NCAM2: variants seen among roughly 807,000 people sequenced by gnomAD.
The protein encoded by NCAM2 is N-CAM-2.
In NCAM2, 30 loss-of-function variants were observed where a neutral mutation model predicts 98.1. The ratio of observed to expected loss-of-function variants is 0.31; its 90% CI spans 0.23 to 0.41. The LOEUF is 0.41. Among genes scored for constraint, NCAM2 ranks in the 10% least tolerant of loss-of-function variants. The pLI, the probability that NCAM2 is intolerant of heterozygous loss-of-function variation, is 1.00. For synonymous variants in NCAM2, 368 were observed against 342.4 expected (o/e 1.07, Z -0.83); for missense variants, 867 against 1,005.8 (o/e 0.86, Z 1.87).
intron 1 of NCAM2, among the ~76,000 whole-genome samples, chr21:21,000,693 A>T (rs747789543): frequency 6.6e-6 from 1 of 152,130 alleles, no homozygotes; most frequent in Non-Finnish European, 1.5e-5. Flanking sequence ...TGTGGCACTC[A>T]TAGAGACACA....
intron 1 of NCAM2, among the ~76,000 whole-genome samples, chr21:21,071,054 A>G (rs2065552013): frequency 6.6e-6 from 1 of 152,124 alleles, no homozygotes; most frequent in Non-Finnish European, 1.5e-5. Context: ...TTAAAGAGGA[A>G]ATTTGAGCCA....
At chr21:21,190,219 G>A (rs1426628875) in intron 1 of NCAM2, among the ~76,000 whole-genome samples, 5 of 152,252 alleles carry the variant, frequency 3.3e-5, no homozygotes, top group Admixed American at 2.6e-4. Context: ...AAGTGAATAA[G>A]CAATATCTGT....
At chr21:21,338,306 G>T in intron 7 of NCAM2, 83 bp from the exon 8 acceptor site, 2 of 1,277,612 alleles carry the variant, frequency 1.6e-6, no homozygotes, top group East Asian at 2.4e-5. Flanking sequence ...TACTATAGTA[G>T]ACTTAAACAC....
chr21:21,095,755 G>C (rs1461407116), intron 1 of NCAM2, among the ~76,000 whole-genome samples: 1 of 151,496 alleles, frequency 6.6e-6, no homozygotes, highest in Non-Finnish European at 1.5e-5. Flanking sequence ...ACCTATTTTG[G>C]AAAAATTGCA....
chr21:21,349,028 A>G (rs7277503), intron 8 of NCAM2, among the ~76,000 whole-genome samples: 38,816 of 152,052 alleles, frequency 0.26, 5,409 homozygotes, highest in Non-Finnish European at 0.32. Flanking sequence ...TGACCTGGGC[A>G]TAATTTTTTG....
intron 16 of NCAM2, among the ~76,000 whole-genome samples, chr21:21,527,771 T>C (rs1255506525): frequency 6.6e-6 from 1 of 152,318 alleles, no homozygotes; most frequent in African/African-American, 2.4e-5. Context: ...ATACAATCAC[T>C]GTGGAAGACA....
intron 11 of NCAM2, among the ~76,000 whole-genome samples, chr21:21,428,857 A>C (rs1265046424): frequency 6.6e-6 from 1 of 152,190 alleles, no homozygotes; most frequent in Non-Finnish European, 1.5e-5. Context: ...TCATTACTGA[A>C]ATATTTAATT....
intron 1 of NCAM2, among the ~76,000 whole-genome samples, chr21:21,181,468 C>G (rs1480291024): frequency 6.6e-6 from 1 of 152,018 alleles, no homozygotes; most frequent in African/African-American, 2.4e-5. Flanking sequence ...ACCCAATTAC[C>G]AAAACCTTGT....
At chr21:21,498,408 A>G (rs1012983063) in intron 15 of NCAM2, among the ~76,000 whole-genome samples, 2 of 152,192 alleles carry the variant, frequency 1.3e-5, no homozygotes, top group African/African-American at 2.4e-5. Flanking sequence ...CTAGCATTAC[A>G]TACTTTTTCT....
intron 1 of NCAM2, among the ~76,000 whole-genome samples, chr21:21,018,512 T>A (rs2064364525): frequency 6.6e-6 from 1 of 152,236 alleles, no homozygotes; most frequent in Non-Finnish European, 1.5e-5. Context: ...CTGAACAAAT[T>A]TAACATATTT....
Position 21,311,841 on chromosome 21 carries a change from G to A in NCAM2, c.620-12542G>A, listed in dbSNP as rs559493122. Among the ~76,000 whole-genome samples the A allele has an allele frequency of 1.7e-3, 251 of 152,006 alleles. 2 individuals are homozygous for A. Among genetic ancestry groups the A allele is most frequent in the African/African-American group, 5.7e-3 (238 of 41,478 alleles). Reference sequence around the variant, plus strand: ...TAATATGCATATGAGATTTGATTTGGGGTGTTTTTCTTTAATCCTTTGACT... The same window carrying A: ...TAATATGCATATGAGATTTGATTTGAGGTGTTTTTCTTTAATCCTTTGACT... On this transcript the variant is annotated intron_variant, in intron 5 of 17. Transcript: ENST00000400546.
At chr21:21,213,830 A>G (rs571018910) in intron 1 of NCAM2, among the ~76,000 whole-genome samples, 8 of 152,282 alleles carry the variant, frequency 5.3e-5, no homozygotes, top group African/African-American at 1.7e-4. Flanking sequence ...ATAAAATAAA[A>G]CCTGCCTAAT....
intron 16 of NCAM2, among the ~76,000 whole-genome samples, chr21:21,522,073 T>G (rs915184584): frequency 6.8e-6 from 1 of 148,142 alleles, no homozygotes; most frequent in Non-Finnish European, 1.5e-5. Context: ...GTATATATAT[T>G]TTATATATGA....
chr21:21,207,366 T>C (rs59849323), intron 1 of NCAM2, among the ~76,000 whole-genome samples: 146 of 152,246 alleles, frequency 9.6e-4, no homozygotes, highest in African/African-American at 3.2e-3. Flanking sequence ...ATCTGCACAA[T>C]TTTCCTGTGA....
chr21:21,215,652 C>T lies in NCAM2; in HGVS notation c.56-64926C>T, dbSNP rs550720116. ...TTGAGGTAGGAGGTTTGCTTGATCCCGGGAGGCAAAGATTGCAGTGAGCCA... is the reference window on the plus strand; with the variant it reads ...TTGAGGTAGGAGGTTTGCTTGATCCTGGGAGGCAAAGATTGCAGTGAGCCA... On this transcript the variant is annotated intron_variant, in intron 1 of 17. Coordinates refer to ENST00000400546, the MANE Select transcript of NCAM2 (RefSeq NM_004540.5). 5.9e-5 allele frequency among the ~76,000 whole-genome samples: 9 copies of T among 152,124 alleles called. No individual in the cohort carries two copies. The South Asian group carries it at 1.3e-3, about 21-fold the overall frequency.
At chr21:21,385,092 T>C (rs1232555391) in intron 9 of NCAM2, among the ~76,000 whole-genome samples, 1 of 152,062 alleles carries the variant, frequency 6.6e-6, no homozygotes, top group African/African-American at 2.4e-5. Context: ...ATGACACATT[T>C]TTAGTTGTAT....
At chr21:21,168,536 T>TA (rs1278484505) in intron 1 of NCAM2, among the ~76,000 whole-genome samples, 1 of 152,078 alleles carries the variant, frequency 6.6e-6, no homozygotes, top group Non-Finnish European at 1.5e-5. Flanking sequence ...GGTGTTTATT[T>TA]AAAAAATCCA....
At chr21:21,012,255 A>C (rs1016463483) in intron 1 of NCAM2, among the ~76,000 whole-genome samples, 1 of 152,160 alleles carries the variant, frequency 6.6e-6, no homozygotes, top group African/African-American at 2.4e-5. Context: ...TAAGGTGGGG[A>C]AACTCGATTG....
At chr21:21,360,816 GTATTTAA>G (rs1302406951) in intron 8 of NCAM2, among the ~76,000 whole-genome samples, 2 of 151,864 alleles carry the variant, frequency 1.3e-5, no homozygotes, top group Non-Finnish European at 2.9e-5. Flanking sequence ...TAAGTGGTCT[GTATTTAA>G]AATTATGTTC....
Sources: gnomAD v4.1 joint callset for allele counts (sites outside exome capture counted in the v4.1 genomes callset) on GRCh38, gnomAD v4.1.1 for gene constraint, MANE v1.5 for transcripts, NCBI Gene and HGNC (gene_info 2026-07-23, HGNC 2026-07-21) for gene names.